MGA: variants seen among roughly 807,000 people sequenced by gnomAD.
The protein encoded by MGA is MAX gene-associated protein.
A neutral mutation model predicts 261.1 loss-of-function variants in MGA; 40 were observed. That is an observed-to-expected ratio of 0.15 (90% CI 0.12 to 0.20). The LOEUF is 0.20. MGA is among the 10% of genes least tolerant of loss of function. MGA has a pLI of 1.00. For missense variants in MGA, 3,397 were observed against 3,630.5 expected (o/e 0.94, Z 1.65); for synonymous variants, 1,302 against 1,290.6 (o/e 1.01, Z -0.19).
chr15:41,711,484 A>G (rs1050233564), intron 8 of MGA, 135 bp downstream of exon 8: 1 of 860,352 alleles, frequency 1.2e-6, no homozygotes, highest in Non-Finnish European at 1.7e-6. Context: ...CATGGGAACT[A>G]AGGCTATGTC....
intron 2 of MGA, among the ~76,000 whole-genome samples, chr15:41,676,623 T>A (rs1011345858): frequency 2.0e-5 from 3 of 152,238 alleles, no homozygotes; most frequent in Admixed American, 6.5e-5. Context: ...CTATAAGATG[T>A]ATTTAATCAG....
At position 41,749,710 on chromosome 15, in the gene MGA, G is replaced by T. The variant is rs2062725956; in HGVS notation, c.6103G>T (p.Glu2035Ter). ...AGATAGGGGTGATCATTTGGATGAA[G>T]AATGCCTTCCAGAAGAAGGTTGTGC... Residue 2035 changes from glutamate to a stop codon, truncating the protein, a stop_gained, in exon 17 of 24, where the codon GAA (glutamate) becomes TAA (stop). Transcript: ENST00000219905. LOFTEE classifies it high-confidence loss of function. 1 of 1,613,998 alleles carries T rather than the reference G, an allele frequency of 6.2e-7. No homozygotes were observed. The highest frequency in any genetic ancestry group is 8.5e-7 in the Non-Finnish European group (1 of 1,179,888).
At chr15:41,719,876 T>C (rs1260694250) in intron 9 of MGA, among the ~76,000 whole-genome samples, 5 of 152,242 alleles carry the variant, frequency 3.3e-5, no homozygotes, top group Non-Finnish European at 7.3e-5. Flanking sequence ...TGTAATTTGC[T>C]GTATAACGGA....
At chr15:41,729,097 G>A (rs1567042558) in intron 10 of MGA, 67 bp from the exon 11 acceptor site, 6 of 1,447,764 alleles carry the variant, frequency 4.1e-6, no homozygotes, top group Non-Finnish European at 5.6e-6. Context: ...TTAAACATTC[G>A]TTTTGTTTTG....
chr15:41,650,125 C>T (rs2057012033), intron 1 of MGA, among the ~76,000 whole-genome samples: 1 of 152,088 alleles, frequency 6.6e-6, no homozygotes, highest in Non-Finnish European at 1.5e-5. Context: ...TTTCTTTATT[C>T]TTTGTTGTCA....
chr15:41,626,665 C>G (rs2056462677), intron 1 of MGA, among the ~76,000 whole-genome samples: 1 of 152,130 alleles, frequency 6.6e-6, no homozygotes, highest in Non-Finnish European at 1.5e-5. Context: ...TCAGGAGATC[C>G]ACCCGCCTTG....
chr15:41,640,526 GT>G (rs879382682), intron 1 of MGA, among the ~76,000 whole-genome samples: 7 of 147,458 alleles, frequency 4.7e-5, no homozygotes, highest in Admixed American at 1.4e-4. Flanking sequence ...TTTCCTCTTA[GT>G]TTTTTTTTTT....
chr15:41,761,115 G>C (rs756421474), intron 20 of MGA, among the ~76,000 whole-genome samples: 1 of 152,184 alleles, frequency 6.6e-6, no homozygotes, highest in Non-Finnish European at 1.5e-5. Context: ...TCTTCAGATA[G>C]AGTCAGAAAC....
At chr15:41,726,305 C>T (rs995484496) in intron 9 of MGA, among the ~76,000 whole-genome samples, 3 of 152,200 alleles carry the variant, frequency 2.0e-5, no homozygotes, top group Non-Finnish European at 4.4e-5. Flanking sequence ...TGATACCTAC[C>T]TCAGGAGTTG....
At chr15:41,725,981 C>T (rs2061228223) in intron 9 of MGA, among the ~76,000 whole-genome samples, 1 of 151,898 alleles carries the variant, frequency 6.6e-6, no homozygotes, top group African/African-American at 2.4e-5. Flanking sequence ...TATTTATTAA[C>T]AAGTAAAAAT....
chr15:41,712,871 C>A (rs1413917780), intron 8 of MGA, among the ~76,000 whole-genome samples: 1 of 152,168 alleles, frequency 6.6e-6, no homozygotes, highest in East Asian at 1.9e-4. Flanking sequence ...GCCCATGGGT[C>A]TCAACCTTTG....
At position 41,762,235 on chromosome 15, in the gene MGA, C is replaced by T. The variant is rs1169999652; in HGVS notation, c.7617C>T (p.Asp2539=). ...AGAAGATGGGATCAGATGAGTTTGACATATCTCCCAGAATTAGCAAACAGC... is the reference window on the plus strand; with the variant it reads ...AGAAGATGGGATCAGATGAGTTTGATATATCTCCCAGAATTAGCAAACAGC... Residue 2539 remains aspartate (D), a synonymous_variant, in exon 22 of 24, where the codon GAC becomes GAT. Transcript: ENST00000219905. The T allele has an allele frequency of 6.2e-7, 1 of 1,613,812 alleles. No homozygotes were observed. Among genetic ancestry groups the T allele is most frequent in the African/African-American group, 1.3e-5 (1 of 74,910 alleles).
At chr15:41,707,926 G>C (rs2060200552) in intron 6 of MGA, 67 bp downstream of exon 6, 2 of 1,538,036 alleles carry the variant, frequency 1.3e-6, no homozygotes, top group African/African-American at 1.4e-5. Flanking sequence ...TGTAACGTAA[G>C]TAAAAAGCTA....
chr15:41,724,694 A>G (rs999060611), intron 9 of MGA, among the ~76,000 whole-genome samples: 3 of 152,180 alleles, frequency 2.0e-5, no homozygotes, highest in Non-Finnish European at 4.4e-5. Flanking sequence ...CTCAAAATAA[A>G]AAACAACCAG....
intron 8 of MGA, among the ~76,000 whole-genome samples, chr15:41,712,869 G>T (rs797016087): frequency 3.9e-5 from 6 of 152,284 alleles, no homozygotes; most frequent in African/African-American, 1.4e-4. Flanking sequence ...TGGCCCATGG[G>T]TCTCAACCTT....
intron 1 of MGA, among the ~76,000 whole-genome samples, chr15:41,651,529 TTTCCCCTTCCTTCCCTGTACATC>T (rs2057043056): frequency 6.6e-6 from 1 of 151,438 alleles, no homozygotes; most frequent in African/African-American, 2.4e-5. Context: ...TTTTCTTCCC[TTTCCCCTTCCTTCCCTGTACATC>T]TTCCCCTTCC....
chr15:41,687,794 AGTT>A (rs1460049551), intron 2 of MGA, among the ~76,000 whole-genome samples: 1 of 152,108 alleles, frequency 6.6e-6, no homozygotes, highest in African/African-American at 2.4e-5. Flanking sequence ...TGTATTGTAC[AGTT>A]GTTGGATATA....
intron 7 of MGA, among the ~76,000 whole-genome samples, 192 bp downstream of exon 7, chr15:41,708,400 C>G (rs2060221684): frequency 6.6e-6 from 1 of 152,134 alleles, no homozygotes; most frequent in South Asian, 2.1e-4. Context: ...TCACTGCAAC[C>G]TCCACCTCCC....
intron 1 of MGA, among the ~76,000 whole-genome samples, chr15:41,668,223 C>G (rs2057865635): frequency 6.6e-6 from 1 of 151,674 alleles, no homozygotes; most frequent in Admixed American, 6.6e-5. Flanking sequence ...TTAGAGTCAT[C>G]TGGAATTTAT....
Sources: allele counts gnomAD v4.1 joint callset (sites outside exome capture counted in the v4.1 genomes callset), GRCh38; gene constraint gnomAD v4.1.1; transcripts MANE v1.5; gene names NCBI Gene and HGNC (gene_info 2026-07-23, HGNC 2026-07-21).